Variants in PARD3B observed in about 807,000 individuals in gnomAD.
The protein encoded by PARD3B is partitioning defective 3 homolog B.
In PARD3B, 103 loss-of-function variants were observed where a neutral mutation model predicts 130.2. The ratio of observed to expected loss-of-function variants is 0.79; its 90% CI spans 0.67 to 0.93. The LOEUF (loss-of-function observed/expected upper bound fraction) is 0.93. PARD3B is among the 40% of genes least tolerant of loss of function. The pLI is 0.00. For missense variants in PARD3B, 1,609 were observed against 1,499.2 expected, an observed-to-expected ratio of 1.07 and a Z score of -1.21; for synonymous variants, 583 against 553.2, an observed-to-expected ratio of 1.05 and a Z score of -0.76.
chr2:204,620,183 G>A (rs879754925), intron 1 of PARD3B, among the ~76,000 whole-genome samples: 3 of 152,042 alleles, frequency 2.0e-5, no homozygotes, highest in Non-Finnish European at 2.9e-5. Flanking sequence ...TTTATTTTTA[G>A]TAGAGATGGG....
At chr2:204,713,464 T>A (rs1455691787) in intron 2 of PARD3B, among the ~76,000 whole-genome samples, 1 of 151,234 alleles carries the variant, frequency 6.6e-6, no homozygotes. Flanking sequence ...ATTAAGAACA[T>A]TCACATTGTT....
At chr2:205,233,548 A>G (rs182533076) in intron 15 of PARD3B, among the ~76,000 whole-genome samples, 1 of 152,254 alleles carries the variant, frequency 6.6e-6, no homozygotes, top group East Asian at 1.9e-4. Context: ...ATATAAAAAT[A>G]TATTATTTTT....
Position 205,352,805 on chromosome 2 carries a change from T to C in PARD3B, c.2631-48208T>C, listed in dbSNP as rs1449666758. Among the ~76,000 whole-genome samples, 2 of 152,172 alleles carry C rather than the reference T, an allele frequency of 1.3e-5. No homozygotes were observed. Among genetic ancestry groups the C allele is most frequent in the Admixed American group, 1.3e-4 (2 of 15,270 alleles). On this transcript the variant is annotated intron_variant, in intron 18 of 22. Transcript: ENST00000406610. The surrounding 1 kb of genome is among the most constrained non-coding windows in gnomAD (Gnocchi z 5.2). ...CTGACTTGTTCCTGGGGCTGCTGAT[T>C]CATCTGTTTTCATTGCTGTCATGAA...
At chr2:204,756,401 C>A (rs2040675525) in intron 2 of PARD3B, among the ~76,000 whole-genome samples, 1 of 151,912 alleles carries the variant, frequency 6.6e-6, no homozygotes, top group African/African-American at 2.4e-5. Context: ...AATAGTGATA[C>A]AAATGGTTGT....
At chr2:205,013,164 A>G (rs1163645842) in intron 3 of PARD3B, among the ~76,000 whole-genome samples, 3 of 152,278 alleles carry the variant, frequency 2.0e-5, no homozygotes, top group Admixed American at 2.0e-4. Flanking sequence ...TGGTCCGGTG[A>G]CAGTTTCCCG....
intron 2 of PARD3B, among the ~76,000 whole-genome samples, chr2:204,904,575 A>G (rs1216162110): frequency 6.6e-6 from 1 of 152,164 alleles, no homozygotes; most frequent in African/African-American, 2.4e-5. Context: ...AAAAATTAAA[A>G]TTTAATTTTA....
At chr2:205,521,940 G>A (rs1297565210) in intron 21 of PARD3B, among the ~76,000 whole-genome samples, 1 of 151,970 alleles carries the variant, frequency 6.6e-6, no homozygotes, top group Non-Finnish European at 1.5e-5. Context: ...TCTTTCCTGG[G>A]TAATTCTTTG....
At chr2:205,009,328 A>G (rs1270379911) in intron 3 of PARD3B, among the ~76,000 whole-genome samples, 1 of 152,226 alleles carries the variant, frequency 6.6e-6, no homozygotes, top group African/African-American at 2.4e-5. Flanking sequence ...AGAGAAAAAC[A>G]TACCAAGAAA....
At chr2:205,194,950 A>ATTTTTTTT (rs56836818) in intron 15 of PARD3B, among the ~76,000 whole-genome samples, 13 of 111,222 alleles carry the variant, frequency 1.2e-4, no homozygotes, top group South Asian at 3.1e-4. Flanking sequence ...CGCCAGGCTA[A>ATTTTTTTT]TTTTTTTTTT....
rs369010540 is a variant in PARD3B, at chr2:205,301,398, C to T, written c.2393-66C>T. The T allele has an allele frequency of 9.7e-6, 15 of 1,546,226 alleles. No individual in the cohort carries two copies. Among genetic ancestry groups the T allele is most frequent in the Non-Finnish European group, 1.3e-5 (15 of 1,152,762 alleles). ...CATTCTTTTGCATTTTACATGTTAG[C>T]GTTTCTCTGTATACTAACTGAGTGT... On this transcript the variant is annotated intron_variant, in intron 17 of 22. Transcript: ENST00000406610. This position sits in a 1 kb window ranked among gnomAD's most constrained non-coding sequence, Gnocchi z 5.2.
At chr2:205,426,377 A>T (rs186314095) in intron 19 of PARD3B, among the ~76,000 whole-genome samples, 43 of 152,300 alleles carry the variant, frequency 2.8e-4, no homozygotes, top group African/African-American at 9.6e-4. Context: ...GTTCTCTGGA[A>T]CAAAGGATAA....
At chr2:204,972,105 C>A (rs930877072) in intron 3 of PARD3B, among the ~76,000 whole-genome samples, 2 of 152,022 alleles carry the variant, frequency 1.3e-5, no homozygotes, top group Non-Finnish European at 2.9e-5. Flanking sequence ...TACCTAAAGA[C>A]AAGTAGCCCC....
At chr2:205,000,421 G>A (rs1268062896) in intron 3 of PARD3B, among the ~76,000 whole-genome samples, 3 of 152,038 alleles carry the variant, frequency 2.0e-5, no homozygotes, top group Non-Finnish European at 4.4e-5. Flanking sequence ...CTTAGTTCTG[G>A]TTTTTATTAG....
intron 1 of PARD3B, among the ~76,000 whole-genome samples, chr2:204,600,561 A>G (rs910500533): frequency 1.3e-5 from 2 of 151,846 alleles, no homozygotes; most frequent in Admixed American, 1.3e-4. Flanking sequence ...TTTGGTTACT[A>G]TAGCTTTGTA....
At chr2:204,547,906 ATG>A (rs1161447054) in intron 1 of PARD3B, among the ~76,000 whole-genome samples, 9 of 152,272 alleles carry the variant, frequency 5.9e-5, no homozygotes, top group African/African-American at 2.2e-4. Flanking sequence ...TCACAGAACA[ATG>A]TAGTTGCATT....
chr2:205,105,242 A>G lies in PARD3B; in HGVS notation c.593+728A>G, dbSNP rs111295919. Reference sequence around the variant, plus strand: ...GTATGGGTATTAAATGAGTTAATACATGTAGACCATTTTGCACAGTGTTGT... The same window carrying G: ...GTATGGGTATTAAATGAGTTAATACGTGTAGACCATTTTGCACAGTGTTGT... On this transcript the variant is annotated intron_variant, in intron 5 of 22. Transcript: ENST00000406610. This position sits in a 1 kb window ranked among gnomAD's most constrained non-coding sequence, Gnocchi z 4.0. Among the ~76,000 whole-genome samples the G allele has an allele frequency of 3.2e-3, 494 of 152,316 alleles. 2 individuals are homozygous for G. The highest frequency in any genetic ancestry group is 5.8e-3 in the Admixed American group (88 of 15,302).
chr2:204,715,441 A>G (rs1418578038), intron 2 of PARD3B, among the ~76,000 whole-genome samples: 1 of 148,060 alleles, frequency 6.8e-6, no homozygotes, highest in African/African-American at 2.5e-5. Context: ...TCTTCAGGCT[A>G]TTTCAGTTTA....
chr2:204,962,920 G>A (rs1448449159), intron 2 of PARD3B, among the ~76,000 whole-genome samples: 1 of 152,118 alleles, frequency 6.6e-6, no homozygotes, highest in African/African-American at 2.4e-5. Context: ...GAGATTTGGG[G>A]AGCATCAGGT....
Position 205,558,379 on chromosome 2 carries a change from C to CTATT in PARD3B, c.3260+4977_3260+4980dup, listed in dbSNP as rs1342866338. Among the ~76,000 whole-genome samples, 1 of 152,140 alleles carries CTATT rather than the reference C, an allele frequency of 6.6e-6. No individual in the cohort carries two copies. The highest frequency in any genetic ancestry group is 1.5e-5 in the Non-Finnish European group (1 of 68,026). On this transcript the variant is annotated intron_variant, in intron 22 of 22. Coordinates refer to ENST00000406610, the MANE Select transcript of PARD3B (RefSeq NM_001302769.2). The surrounding 1 kb of genome is among the most constrained non-coding windows in gnomAD (Gnocchi z 4.8). ...ATCCAGAGATACTGCTAAGATACTC[C>CTATT]TATTATCTCAGGACCGGGCAGTGCT...
Sources: gnomAD v4.1 joint callset for allele counts (sites outside exome capture counted in the v4.1 genomes callset) on GRCh38, gnomAD v4.1.1 for gene constraint, Gnocchi (gnomAD v3.1) non-coding constraint, MANE v1.5 for transcripts, NCBI Gene and HGNC (gene_info 2026-07-23, HGNC 2026-07-21) for gene names.